The following RAPGEF4 variants were observed in gnomAD, a reference collection of about 807,000 sequenced individuals.
RAPGEF4 encodes the protein Rap guanine nucleotide exchange factor 4.
A neutral mutation model predicts 147.9 loss-of-function variants in RAPGEF4; 66 were observed. That is an observed-to-expected ratio of 0.45 (90% CI 0.37 to 0.55). The LOEUF (loss-of-function observed/expected upper bound fraction) is 0.55, where lower values mean the gene tolerates loss of function less well. Ranked by LOEUF, RAPGEF4 falls within the 20% of genes least tolerant of loss-of-function variation. The pLI is 0.00. For synonymous variants in RAPGEF4, 419 were observed against 442.7 expected, an observed-to-expected ratio of 0.95 and a Z score of 0.67; for missense variants, 1,071 against 1,257.3, an observed-to-expected ratio of 0.85 and a Z score of 2.24.
chr2:172,784,564 A>C (rs938191906), intron 1 of RAPGEF4, among the ~76,000 whole-genome samples: 12 of 152,114 alleles, frequency 7.9e-5, no homozygotes, highest in Non-Finnish European at 1.3e-4. Flanking sequence ...TACTCAGTAA[A>C]TACTTGCAGA....
At chr2:172,791,617 A>G (rs973215436) in intron 1 of RAPGEF4, among the ~76,000 whole-genome samples, 1 of 152,182 alleles carries the variant, frequency 6.6e-6, no homozygotes, top group African/African-American at 2.4e-5. Flanking sequence ...ATTGTTTCTG[A>G]GGCTTAAATA....
Position 173,030,164 on chromosome 2 carries a change from C to T in RAPGEF4, c.2559C>T (p.His853=). The T allele has an allele frequency of 6.2e-7, 1 of 1,605,136 alleles. No homozygotes were observed. Among genetic ancestry groups the T allele is most frequent in the Non-Finnish European group, 8.5e-7 (1 of 1,171,862 alleles). ...CAAACACGCATCTCCTGTGTTTCAG[C>T]TGTAAGGAGTATAAAAATCTGAATT... The part of the protein sequence containing the change: ...LLKKFIKIAA[H]CKEYKNLNSF... The change falls in exon 26 of 31, where the codon CAC becomes CAT. Residue 853 remains histidine, a splice_region_variant and synonymous_variant. Coordinates refer to ENST00000397081, the MANE Select transcript of RAPGEF4 (RefSeq NM_007023.4).
chr2:172,829,134 C>T (rs951315), intron 4 of RAPGEF4, among the ~76,000 whole-genome samples: 2,312 of 152,226 alleles, frequency 0.015, 20 homozygotes, highest in South Asian at 0.033. Flanking sequence ...AGCAAGAGGC[C>T]GTATGTTGCT....
intron 1 of RAPGEF4, chr2:172,744,504 CTG>C: frequency 2.3e-6 from 1 of 442,106 alleles, no homozygotes; most frequent in Non-Finnish European, 4.5e-6. Flanking sequence ...AGGAGTCAGA[CTG>C]TATAGGCTCA....
intron 4 of RAPGEF4, among the ~76,000 whole-genome samples, chr2:172,848,945 C>A (rs1692519897): frequency 6.6e-6 from 1 of 152,010 alleles, no homozygotes. Flanking sequence ...CTAAAGGAGA[C>A]CATTTTTATA....
chr2:172,928,416 G>T, intron 6 of RAPGEF4: 1 of 337,586 alleles, frequency 3.0e-6, no homozygotes, highest in Non-Finnish European at 5.8e-6. Context: ...GGAAATGTAG[G>T]TAATACTCTA....
chr2:173,017,297 T>C, intron 20 of RAPGEF4, 93 bp downstream of exon 20: 9 of 1,506,962 alleles, frequency 6.0e-6, no homozygotes, highest in Non-Finnish European at 8.3e-6. Context: ...AAGTGATTTC[T>C]TTTTTGTAGA....
At chr2:172,892,412 C>T (rs1698025826) in intron 4 of RAPGEF4, among the ~76,000 whole-genome samples, 1 of 152,214 alleles carries the variant, frequency 6.6e-6, no homozygotes, top group Non-Finnish European at 1.5e-5. Flanking sequence ...GCCACTGTGA[C>T]AGACAGTCCC....
chr2:172,934,231 C>A (rs1686295720), intron 6 of RAPGEF4, among the ~76,000 whole-genome samples: 1 of 136,388 alleles, frequency 7.3e-6, no homozygotes, highest in South Asian at 2.4e-4. Context: ...CTCACTGCAA[C>A]CTCCACCTCC....
At chr2:173,002,900 T>A (rs1163284531) in intron 17 of RAPGEF4, among the ~76,000 whole-genome samples, 2 of 152,230 alleles carry the variant, frequency 1.3e-5, no homozygotes, top group Non-Finnish European at 2.9e-5. Context: ...TCAATTTTTC[T>A]CGAGTAAAAT....
chr2:172,944,975 T>G (rs966460951), intron 6 of RAPGEF4, among the ~76,000 whole-genome samples: 9 of 151,312 alleles, frequency 5.9e-5, no homozygotes, highest in East Asian at 1.9e-4. Flanking sequence ...TTATTGTGGG[T>G]TTTTTTTTCT....
chr2:172,935,518 A>G (rs1042835982), intron 6 of RAPGEF4, among the ~76,000 whole-genome samples: 1 of 151,498 alleles, frequency 6.6e-6, no homozygotes, highest in Non-Finnish European at 1.5e-5. Context: ...GCTGACTGCC[A>G]AAAAAAAACT....
chr2:173,014,647 T>C (rs770002965), intron 18 of RAPGEF4, 33 bp downstream of exon 18: 25 of 1,599,972 alleles, frequency 1.6e-5, no homozygotes, highest in Non-Finnish European at 2.0e-5. Context: ...AAGAATATAC[T>C]GTTGTCCTGC....
intron 1 of RAPGEF4, among the ~76,000 whole-genome samples, chr2:172,771,771 G>A (rs1683641377): frequency 6.6e-6 from 1 of 152,028 alleles, no homozygotes; most frequent in African/African-American, 2.4e-5. Context: ...TGTTATATTA[G>A]AAATGTTTAT....
intron 4 of RAPGEF4, among the ~76,000 whole-genome samples, chr2:172,857,709 C>A (rs956808187): frequency 1.3e-5 from 2 of 151,802 alleles, no homozygotes; most frequent in East Asian, 3.9e-4. Context: ...TGGCAAAACC[C>A]CATGTGTACA....
chr2:172,899,664 G>T (rs2553014), intron 4 of RAPGEF4, among the ~76,000 whole-genome samples: 1 of 152,060 alleles, frequency 6.6e-6, no homozygotes, highest in South Asian at 2.1e-4. Context: ...AGGATGATCC[G>T]TTTTTCTGCT....
intron 4 of RAPGEF4, among the ~76,000 whole-genome samples, chr2:172,855,946 G>A (rs1693373095): frequency 6.6e-6 from 1 of 151,804 alleles, no homozygotes; most frequent in South Asian, 2.1e-4. Flanking sequence ...GTTTTGTTTT[G>A]TTTTTTATTA....
At position 172,889,708 on chromosome 2, in the gene RAPGEF4, C is replaced by G. The variant is rs529004793; in HGVS notation, c.445-28094C>G. 4 of 306,662 alleles carry G rather than the reference C, an allele frequency of 1.3e-5. No individual in the cohort carries two copies. In the South Asian group the frequency reaches 5.1e-4, roughly 39 times the overall value. 19.0% of individuals were successfully genotyped at this position (306,662 alleles called of 1,614,324 possible). On this transcript the variant is annotated intron_variant, in intron 4 of 30. Coordinates refer to ENST00000397081, the MANE Select transcript of RAPGEF4 (RefSeq NM_007023.4). Reference sequence around the variant, plus strand: ...ACAGACACACACACACACACGCTACCCACTGCATCACTAATCTGATTTGTT... The same window carrying G: ...ACAGACACACACACACACACGCTACGCACTGCATCACTAATCTGATTTGTT...
At chr2:172,926,945 C>T (rs1013316518) in intron 6 of RAPGEF4, among the ~76,000 whole-genome samples, 4 of 152,154 alleles carry the variant, frequency 2.6e-5, no homozygotes, top group East Asian at 1.9e-4. Flanking sequence ...CTGAAGAATG[C>T]TTTCTCGCTA....
Sources: gnomAD v4.1 joint callset for allele counts (sites outside exome capture counted in the v4.1 genomes callset) on GRCh38, gnomAD v4.1.1 for gene constraint, MANE v1.5 for transcripts, NCBI Gene and HGNC (gene_info 2026-07-23, HGNC 2026-07-21) for gene names.